The following PHF21A variants were observed in gnomAD, a reference collection of about 807,000 sequenced individuals.
PHF21A encodes PHD finger protein 21A.
Under a neutral mutation model 82.5 loss-of-function variants are expected in PHF21A, and 11 were observed. The observed-to-expected ratio is 0.13, with a 90% CI of 0.08 to 0.22. The LOEUF (loss-of-function observed/expected upper bound fraction) is 0.22, where lower values mean the gene tolerates loss of function less well. Among genes scored for constraint, PHF21A ranks in the 10% least tolerant of loss-of-function variants. PHF21A has a pLI of 1.00. For missense variants in PHF21A, 579 were observed against 837.8 expected, an observed-to-expected ratio of 0.69 and a Z score of 3.81; for synonymous variants, 297 against 302.8, an observed-to-expected ratio of 0.98 and a Z score of 0.20.
chr11:46,020,394 A>C (rs1372593875), intron 6 of PHF21A, among the ~76,000 whole-genome samples: 1 of 151,904 alleles, frequency 6.6e-6, no homozygotes, highest in Non-Finnish European at 1.5e-5. Context: ...GCCTGCTCTG[A>C]CACTGTTCGA....
intron 1 of PHF21A, among the ~76,000 whole-genome samples, chr11:46,092,702 T>C (rs2096939278): frequency 6.6e-6 from 1 of 151,954 alleles, no homozygotes; most frequent in Non-Finnish European, 1.5e-5. Context: ...CATTTTATAA[T>C]AATGTATAGT....
chr11:46,083,293 C>T (rs116511920), intron 4 of PHF21A, among the ~76,000 whole-genome samples: 4,408 of 152,226 alleles, frequency 0.029, 73 homozygotes, highest in African/African-American at 0.041. Context: ...TGAACAGGTG[C>T]TTTTGAAGCT....
intron 6 of PHF21A, among the ~76,000 whole-genome samples, chr11:46,054,256 T>C (rs2096415867): frequency 6.6e-6 from 1 of 152,156 alleles, no homozygotes; most frequent in Non-Finnish European, 1.5e-5. Flanking sequence ...ATTAATATGA[T>C]AGTAACCCTT....
At chr11:45,984,425 T>TCA (rs1447970010) in intron 6 of PHF21A, among the ~76,000 whole-genome samples, 2 of 152,154 alleles carry the variant, frequency 1.3e-5, no homozygotes, top group Non-Finnish European at 2.9e-5. Context: ...GCAGAAGAGT[T>TCA]CACAGAGCCT....
rs2087615133 is a variant in PHF21A at position 45,930,998 on chromosome 11, G to A, written c.*2970C>T. On this transcript the variant is annotated 3_prime_UTR_variant, in exon 19 of 19. Coordinates refer to ENST00000676320, the MANE Select transcript of PHF21A (RefSeq NM_001352027.3). Reference sequence around the variant, plus strand: ...CTTCTTTACAGTAAAGCAGTGTTTTGGAATTTGAGTGCAGAATGTAGGTTT... The same window carrying A: ...CTTCTTTACAGTAAAGCAGTGTTTTAGAATTTGAGTGCAGAATGTAGGTTT... 1 of 141,092 alleles carries A rather than the reference G, an allele frequency of 7.1e-6. No homozygotes were observed. The allele number at this position is 141,092 out of a possible 1,614,324, so 8.7% of individuals were successfully genotyped here.
chr11:46,076,703 T>C (rs1357177866), intron 6 of PHF21A, 51 bp downstream of exon 6: 3 of 1,426,864 alleles, frequency 2.1e-6, no homozygotes, highest in Admixed American at 3.4e-5. Flanking sequence ...CGAGCAGACA[T>C]ATCTTTAGAA....
At chr11:45,963,737 C>T (rs1028990359) in intron 10 of PHF21A, among the ~76,000 whole-genome samples, 4 of 152,116 alleles carry the variant, frequency 2.6e-5, no homozygotes, top group South Asian at 2.1e-4. Flanking sequence ...TGTTGTGAAA[C>T]GAGGTTCTGT....
At chr11:45,974,378 G>A (rs963872246) in intron 7 of PHF21A, among the ~76,000 whole-genome samples, 22 of 151,790 alleles carry the variant, frequency 1.4e-4, no homozygotes, top group Non-Finnish European at 3.1e-4. Context: ...GTTCTGGAAG[G>A]AGGAAGAAGA....
At chr11:46,065,292 T>C (rs936015592) in intron 6 of PHF21A, among the ~76,000 whole-genome samples, 7 of 152,174 alleles carry the variant, frequency 4.6e-5, no homozygotes, top group African/African-American at 1.7e-4. Context: ...TTGAAAGGCT[T>C]CTAATTAAAG....
At chr11:46,119,076 T>C (rs1204709418) in intron 1 of PHF21A, among the ~76,000 whole-genome samples, 2 of 149,604 alleles carry the variant, frequency 1.3e-5, no homozygotes, top group East Asian at 2.0e-4. Flanking sequence ...AGTGAACCTG[T>C]GAAAAGACTT....
chr11:45,940,736 G>A (rs991808380), intron 15 of PHF21A, among the ~76,000 whole-genome samples: 25 of 152,104 alleles, frequency 1.6e-4, no homozygotes, highest in Admixed American at 2.6e-4. Flanking sequence ...GTGAGTCTGC[G>A]TCTTTAGAAA....
chr11:45,934,725 C>T (rs796991509), intron 18 of PHF21A: 2 of 316,084 alleles, frequency 6.3e-6, no homozygotes, highest in Non-Finnish European at 1.2e-5. Context: ...GACAGGCCAG[C>T]AGCATTTAGG....
chr11:46,004,366 G>A (rs998579533), intron 6 of PHF21A, among the ~76,000 whole-genome samples: 3 of 152,246 alleles, frequency 2.0e-5, no homozygotes, highest in Non-Finnish European at 2.9e-5. Flanking sequence ...CTTGGACACT[G>A]TAAAAAACTT....
intron 6 of PHF21A, among the ~76,000 whole-genome samples, chr11:46,073,009 G>C (rs529954369): frequency 6.6e-6 from 1 of 152,226 alleles, no homozygotes; most frequent in Admixed American, 6.5e-5. Context: ...GAGTGAGAAT[G>C]AGAGTGAATC....
At chr11:45,937,330 G>A (rs1350312882) in intron 16 of PHF21A, among the ~76,000 whole-genome samples, 1 of 152,130 alleles carries the variant, frequency 6.6e-6, no homozygotes, top group Non-Finnish European at 1.5e-5. Context: ...GAGAAAAGGC[G>A]ACCAGAAACC....
At chr11:46,036,021 A>C (rs926313997) in intron 6 of PHF21A, among the ~76,000 whole-genome samples, 2 of 152,230 alleles carry the variant, frequency 1.3e-5, no homozygotes, top group African/African-American at 4.8e-5. Flanking sequence ...TTCAAAAAGA[A>C]ACTCTTTAAA....
intron 6 of PHF21A, among the ~76,000 whole-genome samples, chr11:46,028,303 A>G (rs1464068716): frequency 1.3e-5 from 2 of 152,140 alleles, no homozygotes; most frequent in African/African-American, 4.8e-5. Context: ...ACAATCTCAT[A>G]TTAATTTCTA....
At chr11:46,099,562 A>ACACACC (rs1228299404) in intron 1 of PHF21A, among the ~76,000 whole-genome samples, 6 of 145,922 alleles carry the variant, frequency 4.1e-5, no homozygotes, top group Admixed American at 6.8e-5. Flanking sequence ...ACACACACAC[A>ACACACC]CCCTAAACAC....
At chr11:46,011,218 G>C (rs556157096) in intron 6 of PHF21A, among the ~76,000 whole-genome samples, 1 of 152,270 alleles carries the variant, frequency 6.6e-6, no homozygotes, top group East Asian at 1.9e-4. Context: ...GTTGGGCATG[G>C]TGGCTCACAC....
Sources: allele counts gnomAD v4.1 joint callset (sites outside exome capture counted in the v4.1 genomes callset), GRCh38; gene constraint gnomAD v4.1.1; transcripts MANE v1.5; gene names NCBI Gene and HGNC (gene_info 2026-07-23, HGNC 2026-07-21).